The following MEI4 variants were observed in gnomAD, a reference collection of about 807,000 sequenced individuals.
The protein encoded by MEI4 is meiotic double-stranded break formation protein 4, also known as meiosis-specific protein MEI4.
In MEI4, 27 loss-of-function variants were observed where a neutral mutation model predicts 31.4. The ratio of observed to expected loss-of-function variants is 0.86; its 90% CI spans 0.63 to 1.19. The LOEUF is 1.19. Among genes scored for constraint, MEI4 ranks in the 50% most tolerant of loss-of-function variants. MEI4 has a pLI of 0.00. For synonymous variants in MEI4, 122 were observed against 145.4 expected, an observed-to-expected ratio of 0.84 and a Z score of 1.16; for missense variants, 329 against 398.9, an observed-to-expected ratio of 0.82 and a Z score of 1.49.
At chr6:77,782,931 C>G (rs1271652473) in intron 3 of MEI4, among the ~76,000 whole-genome samples, 1 of 152,126 alleles carries the variant, frequency 6.6e-6, no homozygotes, top group East Asian at 1.9e-4. Context: ...TTTAAATTAA[C>G]TTTATTTCTC....
intron 4 of MEI4, among the ~76,000 whole-genome samples, chr6:77,865,862 A>C (rs1771012149): frequency 1.3e-5 from 2 of 152,192 alleles, no homozygotes; most frequent in Admixed American, 1.3e-4. Context: ...CCAGCAGCAC[A>C]TCAAAAAGCT....
At chr6:77,733,332 A>G (rs1767071923) in intron 2 of MEI4, among the ~76,000 whole-genome samples, 1 of 152,134 alleles carries the variant, frequency 6.6e-6, no homozygotes, top group Non-Finnish European at 1.5e-5. Flanking sequence ...TCAGAGATTC[A>G]ACTTCTTCCT....
intron 3 of MEI4, among the ~76,000 whole-genome samples, chr6:77,776,691 C>G (rs1035980195): frequency 1.3e-5 from 2 of 152,026 alleles, no homozygotes; most frequent in African/African-American, 2.4e-5. Context: ...TTAAGTCAAC[C>G]CTGAAGCCTC....
chr6:77,657,646 C>A (rs1768422293), intron 1 of MEI4, among the ~76,000 whole-genome samples: 1 of 152,038 alleles, frequency 6.6e-6, no homozygotes, highest in Admixed American at 6.6e-5. Flanking sequence ...TGTTTTCCAG[C>A]TGTCTACTTT....
intron 4 of MEI4, among the ~76,000 whole-genome samples, chr6:77,915,092 T>TA (rs1766515069): frequency 6.6e-6 from 1 of 152,084 alleles, no homozygotes; most frequent in African/African-American, 2.4e-5. Context: ...TTCCTGCCAT[T>TA]TTACTAATTG....
chr6:77,717,070 G>A (rs1168542800), intron 2 of MEI4, among the ~76,000 whole-genome samples: 1 of 140,760 alleles, frequency 7.1e-6, no homozygotes, highest in African/African-American at 2.7e-5. Context: ...GGGAACCAGC[G>A]TTCAGCATAT....
At chr6:77,907,235 C>A (rs566651870) in intron 4 of MEI4, among the ~76,000 whole-genome samples, 8 of 152,088 alleles carry the variant, frequency 5.3e-5, no homozygotes, top group African/African-American at 1.7e-4. Flanking sequence ...GTGTTGCACC[C>A]ATTAACTCTT....
chr6:77,709,406 A>G (rs1447512791), intron 2 of MEI4, among the ~76,000 whole-genome samples: 1 of 152,208 alleles, frequency 6.6e-6, no homozygotes, highest in Non-Finnish European at 1.5e-5. Context: ...TGATATTTAA[A>G]ATGATCATCT....
intron 1 of MEI4, among the ~76,000 whole-genome samples, chr6:77,679,423 G>A (rs1276457410): frequency 5.2e-5 from 2 of 38,316 alleles, no homozygotes; most frequent in East Asian, 2.6e-3. Flanking sequence ...GTTGCCTACA[G>A]TATTTAGTAG....
intron 3 of MEI4, among the ~76,000 whole-genome samples, chr6:77,818,794 A>C (rs1769747337): frequency 6.6e-6 from 1 of 152,190 alleles, no homozygotes; most frequent in Non-Finnish European, 1.5e-5. Flanking sequence ...TGGCACAATC[A>C]TAGCTCACTT....
chr6:77,886,868 C>G (rs896953861), intron 4 of MEI4, among the ~76,000 whole-genome samples: 1 of 151,928 alleles, frequency 6.6e-6, no homozygotes, highest in Non-Finnish European at 1.5e-5. Context: ...GGTTGCCCAG[C>G]TAATGGTTTA....
intron 3 of MEI4, among the ~76,000 whole-genome samples, chr6:77,827,543 T>C (rs1562004154): frequency 6.6e-6 from 1 of 152,096 alleles, no homozygotes; most frequent in African/African-American, 2.4e-5. Context: ...GTACTTTTGA[T>C]TGGCAGAACT....
chr6:77,908,465 C>T (rs540201313), intron 4 of MEI4, among the ~76,000 whole-genome samples: 10 of 152,054 alleles, frequency 6.6e-5, no homozygotes, highest in Non-Finnish European at 1.3e-4. Flanking sequence ...TGTAGATATG[C>T]GGCATTATTT....
intron 2 of MEI4, among the ~76,000 whole-genome samples, chr6:77,751,362 T>G (rs1233569458): frequency 6.6e-6 from 1 of 151,168 alleles, no homozygotes; most frequent in African/African-American, 2.4e-5. Context: ...AGAAAACAAA[T>G]AGACCACTAG....
chr6:77,908,366 T>C (rs1467734278), intron 4 of MEI4, among the ~76,000 whole-genome samples: 2 of 152,188 alleles, frequency 1.3e-5, no homozygotes, highest in Admixed American at 6.6e-5. Context: ...TTTCTACATA[T>C]GGTTAGCCAG....
Position 77,864,949 on chromosome 6 carries a change from A to G in MEI4, c.900+35887A>G, listed in dbSNP as rs867103533. 6.6e-5 allele frequency among the ~76,000 whole-genome samples: 10 copies of G among 152,324 alleles called. No individual in the cohort carries two copies. In the Middle Eastern group the frequency reaches 0.01, roughly 155 times the overall value. The stretch of plus-strand genomic sequence containing the variant: ...AACTCACTCAAAACCGCTCAACTAC[A>G]TGGAAACTGAACAACCTGCTCCTGA... On this transcript the variant is annotated intron_variant, in intron 4 of 4. Transcript: ENST00000684080.
At chr6:77,734,910 A>G (rs1767138773) in intron 2 of MEI4, among the ~76,000 whole-genome samples, 2 of 151,738 alleles carry the variant, frequency 1.3e-5, no homozygotes, top group African/African-American at 4.9e-5. Flanking sequence ...GTTTGGCTGG[A>G]TATGAAATTC....
rs945998810 is a variant in MEI4 at position 77,923,952 on chromosome 6, A to T, written c.*606A>T. The T allele has an allele frequency of 7.7e-5, 1 of 12,910 alleles. No homozygotes were observed. Among genetic ancestry groups the T allele is most frequent in the African/African-American group, 4.7e-4 (1 of 2,118 alleles). The allele number at this position is 12,910 out of a possible 1,614,324, so 0.8% of individuals were successfully genotyped here. ...GTCGAGCTCTTTTGAAAATACTATT[A>T]ATTAGTTGTTTAAAATGTTCTTTGT... On this transcript the variant is annotated 3_prime_UTR_variant, in exon 5 of 5. Transcript: ENST00000684080.
chr6:77,736,328 A>G (rs1315905238), intron 2 of MEI4, among the ~76,000 whole-genome samples: 1 of 151,950 alleles, frequency 6.6e-6, no homozygotes, highest in Non-Finnish European at 1.5e-5. Flanking sequence ...TGCGGGATAT[A>G]ATCTCCTGGT....
Sources: gnomAD v4.1 joint callset for allele counts (sites outside exome capture counted in the v4.1 genomes callset) on GRCh38, gnomAD v4.1.1 for gene constraint, MANE v1.5 for transcripts, NCBI Gene and HGNC (gene_info 2026-07-23, HGNC 2026-07-21) for gene names.